Variants in ERAP1 observed in about 807,000 individuals in gnomAD.
ERAP1 encodes adipocyte-derived leucine aminopeptidase.
Under a neutral mutation model 103.7 loss-of-function variants are expected in ERAP1, and 86 were observed. The ratio of observed to expected loss-of-function variants is 0.83; its 90% confidence interval spans 0.70 to 0.99. ERAP1 has a LOEUF of 0.99. Among genes scored for constraint, ERAP1 ranks in the 50% least tolerant of loss-of-function variants. ERAP1 has a pLI of 0.00. For synonymous variants in ERAP1, 398 were observed against 402.4 expected, an observed-to-expected ratio of 0.99 and a Z score of 0.13; for missense variants, 1,009 against 1,128.4, an observed-to-expected ratio of 0.89 and a Z score of 1.52.
At chr5:96,909,863 AG>A in the ERAP1 span, 1 of 1,235,128 alleles carries the variant, frequency 8.1e-7, no homozygotes, top group African/African-American at 1.5e-5. Flanking sequence ...TAGTGAGGAT[AG>A]AAAAAAAAAC....
At chr5:96,863,040 C>T in the ERAP1 span, among the ~76,000 whole-genome samples, 2 of 152,276 alleles carry the variant, frequency 1.3e-5, no homozygotes, top group East Asian at 1.9e-4. Flanking sequence ...ACTTATGATT[C>T]ACTTATTTTT....
At position 96,786,477 on chromosome 5, in the gene ERAP1, T is replaced by C. The variant is rs772239795; in HGVS notation, c.1752A>G (p.Thr584=). 1 of 1,608,596 alleles carries C rather than the reference T, an allele frequency of 6.2e-7. No individual in the cohort carries two copies. The highest frequency in any genetic ancestry group is 1.3e-5 in the African/African-American group (1 of 74,854). Residue 584 remains threonine (T), a synonymous_variant, in exon 12 of 19, where the codon ACA becomes ACG. Transcript: ENST00000443439. The stretch of plus-strand genomic sequence containing the variant: ...GTTTCCAAAATAAATTACCTGTTTT[T>C]GTTTTTAGCAAAAATCGATGGACCA... ...SDMVHRFLLK[T]KTDVLILPEE...
At chr5:96,823,176 T>C in the ERAP1 span, 1 of 455,314 alleles carries the variant, frequency 2.2e-6, no homozygotes, top group African/African-American at 2.0e-5. Flanking sequence ...CTTACAATCT[T>C]ATGAAATACA....
At chr5:96,789,394 A>C (rs999676528) in intron 10 of ERAP1, among the ~76,000 whole-genome samples, 10 of 152,004 alleles carry the variant, frequency 6.6e-5, no homozygotes, top group African/African-American at 2.2e-4. Context: ...GGCTGAGGCA[A>C]GAGAATCGCT....
chr5:96,912,598 C>T, the ERAP1 span: 1 of 1,550,678 alleles, frequency 6.4e-7, no homozygotes, highest in African/African-American at 1.4e-5. Flanking sequence ...GTTTTTCTTT[C>T]ATAAAACTTT....
At chr5:96,910,276 A>AC in the ERAP1 span, 3 of 151,920 alleles carry the variant, frequency 2.0e-5, no homozygotes, top group African/African-American at 7.3e-5. Flanking sequence ...AAAAAAAAAA[A>AC]AAAACTTTTC....
chr5:96,901,769 T>C, the ERAP1 span: 1 of 1,337,154 alleles, frequency 7.5e-7, no homozygotes, highest in Non-Finnish European at 1.0e-6. Flanking sequence ...TCTGGCAACT[T>C]TGTAGGATGC....
At chr5:96,781,535 C>T (rs1429115253) in intron 16 of ERAP1, among the ~76,000 whole-genome samples, 158 bp downstream of exon 16, 1 of 152,116 alleles carries the variant, frequency 6.6e-6, no homozygotes, top group Non-Finnish European at 1.5e-5. Flanking sequence ...CTGGTTCTCC[C>T]TAATTATTTG....
At chr5:96,932,523 T>C in the ERAP1 span, among the ~76,000 whole-genome samples, 1 of 152,214 alleles carries the variant, frequency 6.6e-6, no homozygotes, top group East Asian at 1.9e-4. Flanking sequence ...CCCAATTTGC[T>C]TGTGGAAACT....
the ERAP1 span, chr5:96,814,313 A>G: frequency 2.2e-6 from 1 of 456,170 alleles, no homozygotes; most frequent in Non-Finnish European, 4.4e-6. Context: ...CTCTCACACT[A>G]AAAGAAAGGA....
In ERAP1 at chr5:96,786,567, T is replaced by C; in HGVS notation, c.1680-18A>G. 2 of 1,505,152 alleles carry C rather than the reference T, an allele frequency of 1.3e-6. No individual in the cohort carries two copies. Among genetic ancestry groups the C allele is most frequent in the Non-Finnish European group, 9.3e-7 (1 of 1,080,342 alleles). 93.2% of individuals were successfully genotyped at this position (1,505,152 alleles called of 1,614,324 possible). A position where few individuals can be genotyped will look rare whatever the true frequency, so the allele number is the denominator to read the frequency against. ...ACAGGTACCTAAAATAAAGGAGAGG[T>C]GGATTGTTCATTTGTTGATTCAATT... is the stretch of plus-strand genomic sequence containing the variant. On this transcript the variant is annotated intron_variant, in intron 11 of 18. Transcript: ENST00000443439.
At chr5:96,790,407 G>GA (rs756779900) in intron 9 of ERAP1, 40 bp from the exon 10 acceptor site, 1 of 1,610,434 alleles carries the variant, frequency 6.2e-7, no homozygotes, top group Non-Finnish European at 8.5e-7. Flanking sequence ...TATTTCTATA[G>GA]AAAACAATGA....
chr5:96,842,077 G>T, the ERAP1 span, among the ~76,000 whole-genome samples: 1 of 152,036 alleles, frequency 6.6e-6, no homozygotes, highest in East Asian at 1.9e-4. Flanking sequence ...TTAGAATAAT[G>T]GCCTCCAATT....
In ERAP1 at chr5:96,803,687, C is replaced by T. The variant is rs867951833; in HGVS notation, c.240G>A (p.Thr80=). 4 of 1,614,116 alleles carry T rather than the reference C, an allele frequency of 2.5e-6. No homozygotes were observed. The highest frequency in any genetic ancestry group is 3.3e-4 in the Middle Eastern group (2 of 6,062). Residue 80 remains threonine (T), a synonymous_variant, in exon 2 of 19, where the codon ACG becomes ACA. Coordinates refer to ENST00000443439, the MANE Select transcript of ERAP1 (RefSeq NM_001040458.3). ...GCTGACTGGCTGTGATTTCTACTTT[C>T]GTGGTTCCCCAGAAGGTCAGCGTGG... is the stretch of plus-strand genomic sequence containing the variant. The part of the protein sequence containing the change: ...NLTTLTFWGT[T]KVEITASQPT...
the ERAP1 span, chr5:96,881,017 T>C: frequency 6.0e-6 from 1 of 166,120 alleles, no homozygotes; most frequent in Non-Finnish European, 1.3e-5. Context: ...GAGACAGTTA[T>C]GAGAACATCT....
chr5:96,863,687 T>A, the ERAP1 span, among the ~76,000 whole-genome samples: 1 of 152,192 alleles, frequency 6.6e-6, no homozygotes, highest in East Asian at 1.9e-4. Context: ...CCTACCTGAT[T>A]TTTTCATACA....
In ERAP1 at chr5:96,781,716, G is replaced by A; in HGVS notation, c.2424C>T (p.Thr808=). 6.2e-7 allele frequency: 1 copy of A among 1,614,100 alleles called. No homozygotes were observed. The highest frequency in any genetic ancestry group is 1.1e-5 in the South Asian group (1 of 91,084). ...ACCATTGAAGCTTTTCCTTATTTTG[G>A]GTTCTGCAGAGGGCAAATTCAATTT... ...KSQIEFALCR[T]QNKEKLQWLL... The change falls in exon 16 of 19, where the codon ACC becomes ACT. Residue 808 remains threonine, a synonymous_variant. Coordinates refer to ENST00000443439, the MANE Select transcript of ERAP1 (RefSeq NM_001040458.3).
the ERAP1 span, among the ~76,000 whole-genome samples, chr5:96,840,712 CTTTT>C: frequency 7.1e-6 from 1 of 140,690 alleles, no homozygotes; most frequent in African/African-American, 2.6e-5. Context: ...TTCTTTTTTT[CTTTT>C]TTTTTTTTGA....
At chr5:96,769,785 G>C (rs1330878071), downstream of ERAP1, 2 of 149,790 alleles carry the variant, frequency 1.3e-5, no homozygotes, top group Non-Finnish European at 3.0e-5. Flanking sequence ...CTGTGTTTTT[G>C]AGCTTTTTCT....
Sources: gnomAD v4.1 joint callset for allele counts (sites outside exome capture counted in the v4.1 genomes callset) on GRCh38, gnomAD v4.1.1 for gene constraint, MANE v1.5 for transcripts, NCBI Gene and HGNC (gene_info 2026-07-23, HGNC 2026-07-21) for gene names.